MEGF11: variants seen among roughly 807,000 people sequenced by gnomAD.
MEGF11 encodes the protein multiple EGF like domains 11.
A neutral mutation model predicts 146.6 loss-of-function variants in MEGF11; 126 were observed. The observed-to-expected ratio is 0.86, with a 90% CI of 0.74 to 1.00. MEGF11 has a LOEUF of 1.00. MEGF11 is among the 50% of genes least tolerant of loss of function. The pLI, the probability that MEGF11 is intolerant of heterozygous loss-of-function variation, is 0.00. For missense variants in MEGF11, 1,509 were observed against 1,521.2 expected, an observed-to-expected ratio of 0.99 and a Z score of 0.13; for synonymous variants, 532 against 583.4, an observed-to-expected ratio of 0.91 and a Z score of 1.27.
At chr15:66,046,815 C>T (rs1263134698) in intron 5 of MEGF11, among the ~76,000 whole-genome samples, 2 of 152,110 alleles carry the variant, frequency 1.3e-5, no homozygotes, top group African/African-American at 4.8e-5. Context: ...TAGGCTGTCC[C>T]TTATCATATT....
rs149844302 is a variant in MEGF11, at chr15:66,109,576, G to A, written c.301+9510C>T. ...ACTCTGTTTTACAGATGAGAAAGCC[G>A]AGGTATGGAGAGGCAAAACAACGTG... On this transcript the variant is annotated intron_variant, in intron 4 of 25. Transcript: ENST00000395614. 5.6e-4 allele frequency among the ~76,000 whole-genome samples: 86 copies of A among 152,306 alleles called. 1 individual carries two copies. The highest frequency in any genetic ancestry group is 1.5e-3 in the African/African-American group (63 of 41,566).
chr15:66,234,843 A>T (rs985226761), intron 1 of MEGF11, among the ~76,000 whole-genome samples: 4 of 149,888 alleles, frequency 2.7e-5, no homozygotes, highest in African/African-American at 9.8e-5. Flanking sequence ...TGAGAAATTA[A>T]AGATGAAAAT....
chr15:65,993,670 G>T (rs1343989594), intron 5 of MEGF11, among the ~76,000 whole-genome samples: 1 of 152,200 alleles, frequency 6.6e-6, no homozygotes, highest in African/African-American at 2.4e-5. Context: ...GAGGGAGAGG[G>T]TAGGGATCAA....
At chr15:66,129,686 C>A (rs1282669669) in intron 1 of MEGF11, among the ~76,000 whole-genome samples, 1 of 152,176 alleles carries the variant, frequency 6.6e-6, no homozygotes, top group Non-Finnish European at 1.5e-5. Flanking sequence ...ATTTTGCACA[C>A]ACCCCCATTT....
intron 1 of MEGF11, among the ~76,000 whole-genome samples, chr15:66,162,593 AAAAACAAAAC>A (rs761613352): frequency 7.9e-5 from 12 of 152,226 alleles, no homozygotes; most frequent in African/African-American, 2.9e-4. Flanking sequence ...GTGGTGATAG[AAAAACAAAAC>A]AAAACAAAAC....
chr15:66,102,884 T>C (rs2086885436), intron 4 of MEGF11, among the ~76,000 whole-genome samples: 1 of 152,224 alleles, frequency 6.6e-6, no homozygotes, highest in Non-Finnish European at 1.5e-5. Flanking sequence ...TGCGTTATCA[T>C]GCTGTACTGG....
chr15:65,979,726 TA>T (rs1662695572), intron 7 of MEGF11, among the ~76,000 whole-genome samples: 1 of 152,172 alleles, frequency 6.6e-6, no homozygotes, highest in African/African-American at 2.4e-5. Flanking sequence ...CAAGCTATCA[TA>T]GAGGGCTTCA....
At position 65,909,774 on chromosome 15, in the gene MEGF11, T is replaced by C. The variant is rs1300754834; in HGVS notation, c.2862A>G (p.Ala954=). ...TCACATAGCTGTAGGGGGTCCAGCC[T>C]GCTGTGTCTCTGTCAAGGGACTTGT... ...LSNKSLDRDT[A]GWTPYSYVNV... The change falls in exon 22 of 26, where the codon GCA becomes GCG. Residue 954 remains alanine, a synonymous_variant. Coordinates refer to ENST00000395614, the MANE Select transcript of MEGF11 (RefSeq NM_001385028.1). 1.3e-6 allele frequency: 2 copies of C among 1,585,512 alleles called. No homozygotes were observed. Among genetic ancestry groups the C allele is most frequent in the East Asian group, 4.5e-5 (2 of 44,232 alleles).
At chr15:65,984,719 C>T (rs1160710408) in intron 5 of MEGF11, among the ~76,000 whole-genome samples, 2 of 151,874 alleles carry the variant, frequency 1.3e-5, no homozygotes, top group Admixed American at 1.3e-4. Flanking sequence ...GCTTATTGTC[C>T]ATATGTTGTG....
At chr15:66,189,533 T>A (rs539592256) in intron 1 of MEGF11, among the ~76,000 whole-genome samples, 1 of 152,210 alleles carries the variant, frequency 6.6e-6, no homozygotes, top group South Asian at 2.1e-4. Context: ...CCTGCAACCC[T>A]GGGGCCTGCA....
intron 5 of MEGF11, among the ~76,000 whole-genome samples, chr15:65,986,599 C>T (rs1045235738): frequency 6.6e-6 from 1 of 152,220 alleles, no homozygotes; most frequent in African/African-American, 2.4e-5. Flanking sequence ...GGCAGAGCTG[C>T]AGCGAGTCAA....
At chr15:66,059,036 G>T (rs1597039049) in intron 5 of MEGF11, among the ~76,000 whole-genome samples, 1 of 152,126 alleles carries the variant, frequency 6.6e-6, no homozygotes, top group Non-Finnish European at 1.5e-5. Context: ...GGGTGAGTAG[G>T]TCAGGGCCCC....
At chr15:66,082,513 C>A (rs147628915) in intron 5 of MEGF11, among the ~76,000 whole-genome samples, 11,765 of 108,312 alleles carry the variant, frequency 0.11, 634 homozygotes, top group Middle Eastern at 0.23. Flanking sequence ...ATCTATCTAT[C>A]TATAAATAAA....
chr15:66,203,205 G>A (rs1028348417), intron 1 of MEGF11, among the ~76,000 whole-genome samples: 20 of 152,108 alleles, frequency 1.3e-4, no homozygotes, highest in Non-Finnish European at 2.4e-4. Flanking sequence ...ACCCCCAAGT[G>A]GGGTAGGAGC....
chr15:66,070,052 C>A (rs1286291252), intron 5 of MEGF11, among the ~76,000 whole-genome samples: 1 of 152,162 alleles, frequency 6.6e-6, no homozygotes, highest in Non-Finnish European at 1.5e-5. Context: ...TTTCTCCAGC[C>A]CAAAGGAAAT....
chr15:65,957,616 AGGCAGCT>A lies in MEGF11; in HGVS notation c.1211_1217del (p.Gln404LeufsTer56), dbSNP rs2080703987. ...AGTCGGCGCCATTCTGACAGGTGCA[AGGCAGCT>A]GGCAGCCATCGCCATAGTAGCCAAC... On this transcript the variant is annotated frameshift_variant, in exon 10 of 26. Transcript: ENST00000395614. LOFTEE classifies it high-confidence loss of function. 1.2e-6 allele frequency: 2 copies of A among 1,613,962 alleles called. No homozygotes were observed. Among genetic ancestry groups the A allele is most frequent in the African/African-American group, 1.3e-5 (1 of 75,044 alleles).
At chr15:65,923,303 T>G (rs528115487) in intron 13 of MEGF11, among the ~76,000 whole-genome samples, 2 of 152,074 alleles carry the variant, frequency 1.3e-5, no homozygotes, top group South Asian at 2.1e-4. Flanking sequence ...CGGCAAGAGA[T>G]GAGATTGTGG....
chr15:65,910,834 T>C (rs552842768), intron 21 of MEGF11, among the ~76,000 whole-genome samples: 74 of 152,222 alleles, frequency 4.9e-4, no homozygotes, highest in African/African-American at 1.7e-3. Context: ...TGAATGGATA[T>C]TATGGGAAGC....
chr15:65,917,390 G>A (rs558876178), intron 16 of MEGF11, among the ~76,000 whole-genome samples: 1 of 152,132 alleles, frequency 6.6e-6, no homozygotes, highest in African/African-American at 2.4e-5. Flanking sequence ...CATCAGAATG[G>A]AAATTCCCTC....
Sources: allele counts gnomAD v4.1 joint callset (sites outside exome capture counted in the v4.1 genomes callset), GRCh38; gene constraint gnomAD v4.1.1; transcripts MANE v1.5; gene names NCBI Gene and HGNC (gene_info 2026-07-23, HGNC 2026-07-21).